The following KIAA0753 variants were observed in gnomAD, a reference collection of about 807,000 sequenced individuals.
KIAA0753 encodes protein moonraker.
KIAA0753 carries 114 observed loss-of-function variants against 116.9 expected under a neutral mutation model. The observed-to-expected ratio is 0.98, with a 90% CI of 0.84 to 1.14. The LOEUF is 1.14. KIAA0753 is among the 50% of genes most tolerant of loss of function. The pLI is 0.00. For missense variants in KIAA0753, 1,156 were observed against 1,172.4 expected, an observed-to-expected ratio of 0.99 and a Z score of 0.20; for synonymous variants, 405 against 413.1, an observed-to-expected ratio of 0.98 and a Z score of 0.24.
At chr17:6,621,657 T>G (rs1284864499) in intron 6 of KIAA0753, among the ~76,000 whole-genome samples, 1 of 152,208 alleles carries the variant, frequency 6.6e-6, no homozygotes, top group Non-Finnish European at 1.5e-5. Flanking sequence ...ACACATTTCT[T>G]GCATTTTGAA....
At chr17:6,601,911 T>A (rs917058024) in intron 12 of KIAA0753, among the ~76,000 whole-genome samples, 1 of 152,198 alleles carries the variant, frequency 6.6e-6, no homozygotes, top group African/African-American at 2.4e-5. Flanking sequence ...CACACATATC[T>A]GGCAAGGGGC....
In KIAA0753 at chr17:6,596,312, A is replaced by G. The variant is rs1287757564; in HGVS notation, c.2204T>C (p.Ile735Thr). ...TTCCAAAAAATCATCAAGCTGACGA[A>G]TGTTGTTGGATTCAAAATCAACAGC... ...VAAVDFESNN[I>T]RQLDDFLEDC... Residue 735 changes from isoleucine to threonine, a missense_variant, in exon 15 of 19, where the codon ATT becomes ACT. Coordinates refer to ENST00000361413, the MANE Select transcript of KIAA0753 (RefSeq NM_014804.3). 7.4e-7 allele frequency: 1 copy of G among 1,359,236 alleles called. No individual in the cohort carries two copies. Among genetic ancestry groups the G allele is most frequent in the South Asian group, 1.1e-5 (1 of 87,770 alleles). 84.2% of individuals were successfully genotyped at this position (1,359,236 alleles called of 1,614,324 possible).
chr17:6,591,012 A>AGAAGAAGGAAGAAG (rs1314690341), intron 16 of KIAA0753, among the ~76,000 whole-genome samples: 9 of 84,678 alleles, frequency 1.1e-4, no homozygotes, highest in Non-Finnish European at 2.0e-4. Flanking sequence ...AGAAGAAGGA[A>AGAAGAAGGAAGAAG]GAAGAAGGAA....
intron 16 of KIAA0753, among the ~76,000 whole-genome samples, chr17:6,592,479 T>C (rs12947619): frequency 0.21 from 31,296 of 152,116 alleles, 3,544 homozygotes; most frequent in East Asian, 0.38. Flanking sequence ...AGAATTTGAG[T>C]AACGTTTCCC....
At chr17:6,591,944 G>A (rs1214360171) in intron 16 of KIAA0753, among the ~76,000 whole-genome samples, 1 of 152,236 alleles carries the variant, frequency 6.6e-6, no homozygotes, top group East Asian at 1.9e-4. Flanking sequence ...TGAGAGAGAT[G>A]AGACACCTTC....
chr17:6,618,644 T>G (rs1010826981), intron 7 of KIAA0753, among the ~76,000 whole-genome samples: 1 of 152,144 alleles, frequency 6.6e-6, no homozygotes. Flanking sequence ...AACAGTTTGG[T>G]TTTTCTGTCT....
intron 2 of KIAA0753, among the ~76,000 whole-genome samples, chr17:6,631,774 C>T (rs1423616963): frequency 1.3e-5 from 2 of 152,186 alleles, no homozygotes; most frequent in African/African-American, 4.8e-5. Context: ...CATCCAGCCC[C>T]AGATAGTGAT....
intron 7 of KIAA0753, among the ~76,000 whole-genome samples, chr17:6,613,841 T>G (rs1209365141): frequency 6.6e-6 from 1 of 152,242 alleles, no homozygotes; most frequent in Non-Finnish European, 1.5e-5. Context: ...AAAGCTCAAA[T>G]ATAATACTGA....
intron 16 of KIAA0753, 72 bp downstream of exon 16, chr17:6,594,900 T>C: frequency 8.5e-7 from 1 of 1,171,542 alleles, no homozygotes; most frequent in Non-Finnish European, 1.3e-6. Context: ...ACTATACAAT[T>C]TTTTCAATTT....
At chr17:6,614,700 G>A (rs547499392) in intron 7 of KIAA0753, among the ~76,000 whole-genome samples, 1 of 152,326 alleles carries the variant, frequency 6.6e-6, no homozygotes, top group South Asian at 2.1e-4. Flanking sequence ...GGCCTCAACT[G>A]TACTGCCATC....
chr17:6,580,388 C>T (rs1209937889), intron 18 of KIAA0753, among the ~76,000 whole-genome samples: 2 of 150,216 alleles, frequency 1.3e-5, no homozygotes, highest in African/African-American at 2.4e-5. Context: ...CATCTCGGCT[C>T]ACTGCAAGCT....
At chr17:6,603,541 T>C (rs1970006222) in intron 12 of KIAA0753, among the ~76,000 whole-genome samples, 1 of 152,190 alleles carries the variant, frequency 6.6e-6, no homozygotes, top group South Asian at 2.1e-4. Flanking sequence ...CCACTCTTCT[T>C]CCTGTTAATT....
At chr17:6,637,021 C>T (rs1417251118) in intron 1 of KIAA0753, 1 of 152,402 alleles carries the variant, frequency 6.6e-6, no homozygotes, top group East Asian at 1.9e-4. Flanking sequence ...CCTTGGACAG[C>T]TCCATAACCT....
At chr17:6,590,679 T>A in intron 16 of KIAA0753, 49 bp from the exon 17 acceptor site, 1 of 1,607,008 alleles carries the variant, frequency 6.2e-7, no homozygotes, top group Admixed American at 1.7e-5. Flanking sequence ...ACAGTTGGTG[T>A]CCATTTTAGA....
Position 6,608,282 on chromosome 17 carries a change from T to C in KIAA0753, c.1829+66A>G, listed in dbSNP as rs1970317632. 7.8e-6 allele frequency: 5 copies of C among 643,582 alleles called. No individual in the cohort carries two copies. In the Admixed American group the frequency reaches 1.6e-4, roughly 20 times the overall value. The allele number at this position is 643,582 out of a possible 1,614,324, so 39.9% of individuals were successfully genotyped here. A position where few individuals can be genotyped will look rare whatever the true frequency, so the allele number is the denominator to read the frequency against. On this transcript the variant is annotated intron_variant, in intron 10 of 18. Transcript: ENST00000361413. ...AAATGTAGGAAAGAGAAGAAAGGGT[T>C]CACTTCCAAGTCTATGTAAAAGGAG...
At chr17:6,579,891 G>T (rs746792679) in intron 18 of KIAA0753, 27 bp from the exon 19 acceptor site, 3 of 1,567,370 alleles carry the variant, frequency 1.9e-6, no homozygotes, top group Non-Finnish European at 2.6e-6. Flanking sequence ...ACAACTAAAG[G>T]TATGTACAAG....
At position 6,578,721 on chromosome 17, in the gene KIAA0753, T is replaced by G. The variant is rs1345235423; in HGVS notation, c.*1026A>C. 6.6e-6 allele frequency: 1 copy of G among 152,238 alleles called. No homozygotes were observed. The allele number at this position is 152,238 out of a possible 1,614,324, so 9.4% of individuals were successfully genotyped here. ...CAGGCTACGAATTGAGAGAAAGTCTTTCCAGGCAGTGGCCTGATTCTTACG... is the reference window on the plus strand; with the variant it reads ...CAGGCTACGAATTGAGAGAAAGTCTGTCCAGGCAGTGGCCTGATTCTTACG... On this transcript the variant is annotated 3_prime_UTR_variant, in exon 19 of 19. Coordinates refer to ENST00000361413, the MANE Select transcript of KIAA0753 (RefSeq NM_014804.3).
intron 7 of KIAA0753, among the ~76,000 whole-genome samples, chr17:6,617,113 A>T (rs919402210): frequency 3.3e-5 from 5 of 152,170 alleles, no homozygotes; most frequent in Non-Finnish European, 5.9e-5. Context: ...CATTTCCTCC[A>T]GTCTATCAAA....
At position 6,612,071 on chromosome 17, in the gene KIAA0753, C is replaced by G; in HGVS notation, c.1393G>C (p.Val465Leu). Residue 465 changes from valine (V) to leucine (L), a missense_variant, in exon 8 of 19, where the codon GTT (valine) becomes CTT (leucine). Transcript: ENST00000361413. ...AGAATAAATGGTCCTTCTTCCAGAA[C>G]TATATCCGCATCTAATACATCAAGC... ...SELDVLDADI[V>L]LEEGPFILDQ... 1 of 1,614,232 alleles carries G rather than the reference C, an allele frequency of 6.2e-7. No homozygotes were observed. The highest frequency in any genetic ancestry group is 8.5e-7 in the Non-Finnish European group (1 of 1,180,012).
Sources: allele counts gnomAD v4.1 joint callset (sites outside exome capture counted in the v4.1 genomes callset), GRCh38; gene constraint gnomAD v4.1.1; transcripts MANE v1.5; gene names NCBI Gene and HGNC (gene_info 2026-07-23, HGNC 2026-07-21).